BMPR2: variants seen among roughly 807,000 people sequenced by gnomAD.
BMPR2 encodes the protein bone morphogenetic protein receptor type-2.
Under a neutral mutation model 100.8 loss-of-function variants are expected in BMPR2, and 29 were observed. The observed-to-expected ratio is 0.29, with a 90% confidence interval of 0.21 to 0.39. The LOEUF (loss-of-function observed/expected upper bound fraction) is 0.39, where lower values mean the gene tolerates loss of function less well. Among genes scored for constraint, BMPR2 ranks in the 10% least tolerant of loss-of-function variants. The probability of loss-of-function intolerance (pLI) is 1.00; values close to 1 mark genes in which losing one functional copy is unlikely to be tolerated. For missense variants in BMPR2, 1,011 were observed against 1,274.5 expected (o/e 0.79, Z 3.15); for synonymous variants, 382 against 442.3 (o/e 0.86, Z 1.71).
At chr2:202,480,316 A>G (rs1692634493) in intron 3 of BMPR2, among the ~76,000 whole-genome samples, 1 of 151,870 alleles carries the variant, frequency 6.6e-6, no homozygotes, top group African/African-American at 2.4e-5. Flanking sequence ...TTTAGTAGAG[A>G]TGGGGTTTTG....
At chr2:202,525,901 T>TAGA (rs1194155025) in intron 7 of BMPR2, among the ~76,000 whole-genome samples, 1 of 143,448 alleles carries the variant, frequency 7.0e-6, no homozygotes, top group African/African-American at 2.6e-5. Context: ...GTTTAGCTCT[T>TAGA]GCTGCTCAGG....
At chr2:202,438,880 AC>A (rs1025171772) in intron 1 of BMPR2, among the ~76,000 whole-genome samples, 22 of 150,704 alleles carry the variant, frequency 1.5e-4, no homozygotes, top group African/African-American at 5.5e-4. Context: ...GCTTTGTATT[AC>A]GTTTTGAAAT....
intron 3 of BMPR2, 92 bp from the exon 4 acceptor site, chr2:202,513,627 A>G (rs972433583): frequency 2.3e-6 from 2 of 851,232 alleles, no homozygotes; most frequent in African/African-American, 1.7e-5. Flanking sequence ...TTGATTATAC[A>G]TGGGTACAGC....
intron 1 of BMPR2, among the ~76,000 whole-genome samples, chr2:202,455,933 T>C (rs1173883375): frequency 3.3e-5 from 5 of 150,142 alleles, no homozygotes; most frequent in Admixed American, 6.6e-5. Context: ...GGTGTGGTGG[T>C]GGGCGCCTGT....
At position 202,559,797 on chromosome 2, in the gene BMPR2, G is replaced by C. The variant is rs777072376; in HGVS notation, c.2968G>C (p.Val990Leu). ...TAAGCGGTGGCGCCCCTCCACCTGG[G>C]TCATCTCCACTGAATCGCTGGACTG... ...SLKRWRPSTW[V>L]ISTESLDCEV... The change falls in exon 13 of 13, where the codon GTC (valine) becomes CTC (leucine). Residue 990 changes from valine (V) to leucine (L), a missense_variant. Val to Leu is a conservative substitution (Grantham distance 32). Coordinates refer to ENST00000374580, the MANE Select transcript of BMPR2 (RefSeq NM_001204.7). 6.2e-7 allele frequency: 1 copy of C among 1,613,994 alleles called. No individual in the cohort carries two copies. Among genetic ancestry groups the C allele is most frequent in the Non-Finnish European group, 8.5e-7 (1 of 1,180,010 alleles).
rs55680029 is a variant in BMPR2 at position 202,448,924 on chromosome 2, G to GGTGTGTGT, written c.77-15854_77-15847dup. Among the ~76,000 whole-genome samples the GGTGTGTGT allele has an allele frequency of 4.6e-3, 663 of 142,920 alleles. 5 individuals are homozygous for GGTGTGTGT. Among genetic ancestry groups the GGTGTGTGT allele is most frequent in the African/African-American group, 0.012 (476 of 38,486 alleles). The allele number at this position is 142,920 out of a possible 152,430, so 93.8% of individuals were successfully genotyped here. ...TGGATTATTTTGTCAGTTTAGAATTGGTGTGTGTGTGTGTGTGTGTGTGTG... is the reference window on the plus strand; with the variant it reads ...TGGATTATTTTGTCAGTTTAGAATTGGTGTGTGTGTGTGTGTGTGTGTGTGTGTGTGTG... On this transcript the variant is annotated intron_variant, in intron 1 of 12. Coordinates refer to ENST00000374580, the MANE Select transcript of BMPR2 (RefSeq NM_001204.7).
chr2:202,515,062 A>G, intron 5 of BMPR2, 83 bp downstream of exon 5: 1 of 1,328,388 alleles, frequency 7.5e-7, no homozygotes, highest in Non-Finnish European at 1.1e-6. Context: ...TCATTAAGAC[A>G]TTCATTCATT....
intron 1 of BMPR2, among the ~76,000 whole-genome samples, chr2:202,419,893 A>C (rs1273187693): frequency 6.6e-6 from 1 of 152,218 alleles, no homozygotes; most frequent in Non-Finnish European, 1.5e-5. Context: ...TCATGCCTGT[A>C]ATACGCGCAC....
intron 3 of BMPR2, among the ~76,000 whole-genome samples, chr2:202,501,554 G>A (rs977844553): frequency 5.9e-5 from 9 of 152,216 alleles, no homozygotes; most frequent in African/African-American, 2.2e-4. Flanking sequence ...ACAACCAGTG[G>A]CATACCTAAG....
At chr2:202,435,410 T>TATATATATATATA (rs1553500553) in intron 1 of BMPR2, among the ~76,000 whole-genome samples, 1 of 139,878 alleles carries the variant, frequency 7.1e-6, no homozygotes, top group African/African-American at 2.8e-5. Context: ...TATATATATG[T>TATATATATATATA]TTTTGTACAG....
chr2:202,396,793 C>CTTTATTTTTTTTTTTGAAACAAACTT (rs10669803), intron 1 of BMPR2, among the ~76,000 whole-genome samples: 1 of 151,578 alleles, frequency 6.6e-6, no homozygotes, highest in Non-Finnish European at 1.5e-5. Context: ...GAGCAAGAAA[C>CTTTATTTTTTTTTTTGAAACAAACTT]TATTTTTTTT....
At chr2:202,558,125 C>T (rs1688612772) in intron 12 of BMPR2, among the ~76,000 whole-genome samples, 1 of 152,052 alleles carries the variant, frequency 6.6e-6, no homozygotes, top group African/African-American at 2.4e-5. Flanking sequence ...TCAAGACTAG[C>T]CTGGGCAACA....
chr2:202,393,090 CA>C (rs1487006887), intron 1 of BMPR2, among the ~76,000 whole-genome samples: 6 of 151,424 alleles, frequency 4.0e-5, no homozygotes, highest in Admixed American at 2.6e-4. Flanking sequence ...ATATTTAATA[CA>C]TTCAGAACAA....
chr2:202,434,642 T>TA (rs898432024), intron 1 of BMPR2, among the ~76,000 whole-genome samples: 8 of 149,012 alleles, frequency 5.4e-5, no homozygotes, highest in Non-Finnish European at 1.0e-4. Flanking sequence ...GTTTTTGAGA[T>TA]AGTGTCTTGC....
At position 202,503,659 on chromosome 2, in the gene BMPR2, C is replaced by T. The variant is rs1687456315; in HGVS notation, c.419-10060C>T. On this transcript the variant is annotated intron_variant, in intron 3 of 12. Transcript: ENST00000374580. The surrounding 1 kb of genome is among the most constrained non-coding windows in gnomAD (Gnocchi z 4.0). ...GCCATGCCTGAGCCTCCCACCCCCT[C>T]CATGGGCCCCTGTGCGGCCCGAGCC... is the stretch of plus-strand genomic sequence containing the variant. Among the ~76,000 whole-genome samples the T allele has an allele frequency of 6.6e-6, 1 of 152,192 alleles. No homozygotes were observed. Among genetic ancestry groups the T allele is most frequent in the Non-Finnish European group, 1.5e-5 (1 of 68,036 alleles).
intron 1 of BMPR2, among the ~76,000 whole-genome samples, chr2:202,431,362 A>G (rs983092355): frequency 6.6e-6 from 1 of 150,764 alleles, no homozygotes; most frequent in African/African-American, 2.5e-5. Context: ...AAACATAGGT[A>G]TGAATTTTGT....
chr2:202,477,251 A>C (rs1466730988), intron 3 of BMPR2, among the ~76,000 whole-genome samples: 1 of 152,242 alleles, frequency 6.6e-6, no homozygotes, highest in Non-Finnish European at 1.5e-5. Flanking sequence ...TTCTTAGGAA[A>C]TAACTGTCTT....
chr2:202,524,082 G>A (rs981538987), intron 7 of BMPR2, among the ~76,000 whole-genome samples: 4 of 152,134 alleles, frequency 2.6e-5, no homozygotes, highest in Non-Finnish European at 5.9e-5. Flanking sequence ...AACTGTTGGG[G>A]CCGGACGCGG....
At chr2:202,536,718 C>T (rs1490866751) in intron 9 of BMPR2, among the ~76,000 whole-genome samples, 1 of 151,774 alleles carries the variant, frequency 6.6e-6, no homozygotes, top group Admixed American at 6.6e-5. Flanking sequence ...ACTAAAAATA[C>T]AAAATTAGCT....
Sources: gnomAD v4.1 joint callset for allele counts (sites outside exome capture counted in the v4.1 genomes callset) on GRCh38, gnomAD v4.1.1 for gene constraint, Gnocchi (gnomAD v3.1) non-coding constraint, MANE v1.5 for transcripts, NCBI Gene and HGNC (gene_info 2026-07-23, HGNC 2026-07-21) for gene names.